Variants in PRDM11 observed in about 807,000 individuals in gnomAD.
PRDM11 encodes the protein PR domain-containing protein 11.
In PRDM11, 20 loss-of-function variants were observed where a neutral mutation model predicts 97.8. That is an observed-to-expected ratio of 0.20 (90% CI 0.14 to 0.30). PRDM11 has a LOEUF of 0.30. Among genes scored for constraint, PRDM11 ranks in the 10% least tolerant of loss-of-function variants. The probability of loss-of-function intolerance (pLI) is 1.00; values close to 1 mark genes in which losing one functional copy is unlikely to be tolerated. For synonymous variants in PRDM11, 599 were observed against 637.7 expected (o/e 0.94, Z 0.91); for missense variants, 1,139 against 1,555.2 (o/e 0.73, Z 4.50).
At chr11:45,133,285 G>A (rs1262613401) in intron 1 of PRDM11, among the ~76,000 whole-genome samples, 1 of 152,068 alleles carries the variant, frequency 6.6e-6, no homozygotes, top group Non-Finnish European at 1.5e-5. Flanking sequence ...TTCTTGTTAA[G>A]GACATAAGTG....
At chr11:45,195,295 A>G (rs2135772222) in intron 4 of PRDM11, among the ~76,000 whole-genome samples, 1 of 152,252 alleles carries the variant, frequency 6.6e-6, no homozygotes, top group South Asian at 2.1e-4. Flanking sequence ...GGTATGTGCA[A>G]CCATCATCAC....
intron 1 of PRDM11, among the ~76,000 whole-genome samples, chr11:45,105,511 C>T (rs1267476421): frequency 6.6e-6 from 1 of 152,224 alleles, no homozygotes; most frequent in Non-Finnish European, 1.5e-5. Flanking sequence ...GGTGCTCAGG[C>T]CTTCTGAAAG....
intron 5 of PRDM11, chr11:45,213,116 C>T (rs1200736030): frequency 2.2e-5 from 10 of 456,180 alleles, no homozygotes; most frequent in African/African-American, 6.0e-5. Flanking sequence ...GCCAGTCTTT[C>T]GTGTCCAGGA....
intron 1 of PRDM11, among the ~76,000 whole-genome samples, chr11:45,115,955 A>G (rs1004737049): frequency 1.3e-5 from 2 of 151,942 alleles, no homozygotes. Flanking sequence ...AAAAAGAAAA[A>G]AAAAAGCTAG....
chr11:45,213,120 T>G (rs34007448), intron 5 of PRDM11: 53,005 of 456,324 alleles, frequency 0.12, 4,469 homozygotes, highest in Admixed American at 0.31. Context: ...GTCTTTCGTG[T>G]CCAGGAACAG....
chr11:45,199,861 T>G (rs1853265207), intron 4 of PRDM11, among the ~76,000 whole-genome samples: 2 of 152,186 alleles, frequency 1.3e-5, no homozygotes. Context: ...CATCTCTCTC[T>G]TCTCTAAGAT....
chr11:45,212,716 C>T (rs1310018409), intron 5 of PRDM11: 1 of 456,518 alleles, frequency 2.2e-6, no homozygotes. Flanking sequence ...ACTGGCAGCT[C>T]CTCCACGTCC....
intron 1 of PRDM11, among the ~76,000 whole-genome samples, chr11:45,120,916 T>A (rs1219755020): frequency 3.3e-5 from 5 of 152,176 alleles, no homozygotes; most frequent in Non-Finnish European, 5.9e-5. Context: ...TAAACTGTTG[T>A]AAGGTTCTTG....
chr11:45,154,899 A>T (rs1175557150), intron 1 of PRDM11, among the ~76,000 whole-genome samples: 1 of 152,208 alleles, frequency 6.6e-6, no homozygotes, highest in Non-Finnish European at 1.5e-5. Context: ...TCTGCACCCC[A>T]GTCCTTCTGG....
At chr11:45,209,197 C>T (rs555675640) in intron 5 of PRDM11, 22 of 443,688 alleles carry the variant, frequency 5.0e-5, no homozygotes, top group Non-Finnish European at 8.7e-5. Flanking sequence ...GTGCTCACGG[C>T]CCACGAGAGG....
intron 1 of PRDM11, among the ~76,000 whole-genome samples, chr11:45,163,602 C>A (rs530503445): frequency 5.9e-5 from 9 of 152,352 alleles, no homozygotes; most frequent in African/African-American, 1.9e-4. Context: ...GCTCTGACAG[C>A]AGGATCTCTG....
At chr11:45,201,650 C>T (rs1246898365) in intron 4 of PRDM11, among the ~76,000 whole-genome samples, 1 of 152,118 alleles carries the variant, frequency 6.6e-6, no homozygotes, top group Non-Finnish European at 1.5e-5. Context: ...TGCACTACCA[C>T]ACTTGGCTAA....
At chr11:45,127,302 T>A (rs1316447806) in intron 1 of PRDM11, among the ~76,000 whole-genome samples, 1 of 152,156 alleles carries the variant, frequency 6.6e-6, no homozygotes, top group African/African-American at 2.4e-5. Context: ...TAGCTCGGAG[T>A]AGTTTGATCA....
At chr11:45,206,597 C>A (rs1437706856) in intron 5 of PRDM11, among the ~76,000 whole-genome samples, 1 of 152,236 alleles carries the variant, frequency 6.6e-6, no homozygotes, top group Admixed American at 6.5e-5. Context: ...TCTGATCTTT[C>A]CCCCTGGGGA....
chr11:45,111,329 C>T lies in PRDM11; in HGVS notation c.96+15428C>T, dbSNP rs556014669. ...TGCCATCTCTGGACTTACGGGGTGC[C>T]CTCTATGCCAAACGGCATTCCACCC... On this transcript the variant is annotated intron_variant, in intron 1 of 6. Transcript: ENST00000530656. Among the ~76,000 whole-genome samples, 32 of 56,794 alleles carry T rather than the reference C, an allele frequency of 5.6e-4. 1 individual carries two copies. The highest frequency in any genetic ancestry group is 9.6e-4 in the African/African-American group (29 of 30,146). The allele number at this position is 56,794 out of a possible 152,430, so 37.3% of individuals were successfully genotyped here. A position where few individuals can be genotyped will look rare whatever the true frequency, so the allele number is the denominator to read the frequency against.
chr11:45,228,061 G>A lies in PRDM11; in HGVS notation c.3436G>A (p.Ala1146Thr), dbSNP rs554546736. The change falls in exon 8 of 8, where the codon GCG becomes ACG. Residue 1146 changes from alanine (A) to threonine (T), a missense_variant. By Grantham distance (58) the Ala-to-Thr change is moderately conservative. Around this residue, in one of 2 missense-constraint regions of PRDM11, gnomAD observed 710 missense variants for 1,044.9 expected, o/e 0.68. Transcript: ENST00000683152. ...WFEEKSGNSYALSAEVLSRMS... is the reference protein window; with the variant it reads ...WFEEKSGNSYTLSAEVLSRMS... ...TGAGGAGAAGTCTGGGAACAGTTAC[G>A]CGCTGTCTGCAGAAGTCCTCAGTAG... The A allele has an allele frequency of 1.1e-4, 174 of 1,533,766 alleles. No homozygotes were observed. The South Asian group carries it at 1.8e-3, about 16-fold the overall frequency.
chr11:45,101,611 C>G (rs551714632), intron 1 of PRDM11, among the ~76,000 whole-genome samples: 2 of 142,964 alleles, frequency 1.4e-5, no homozygotes, highest in East Asian at 2.0e-4. Context: ...GCGTTCAGGG[C>G]TCAGAGCTAG....
At position 45,226,092 on chromosome 11, in the gene PRDM11, G is replaced by A. The variant is rs750114813; in HGVS notation, c.1467G>A (p.Ala489=). The change falls in exon 8 of 8, where the codon GCG becomes GCA. Residue 489 remains alanine, a synonymous_variant. Transcript: ENST00000683152. ...CTGTCTCCAATGATATGATGACAGCGACGGATGAGCCCTCCAAGATGTCAT... is the reference window on the plus strand; with the variant it reads ...CTGTCTCCAATGATATGATGACAGCAACGGATGAGCCCTCCAAGATGTCAT... ...DESVSNDMMT[A]TDEPSKMSSA... The A allele has an allele frequency of 8.9e-5, 136 of 1,531,908 alleles. 1 individual carries two copies. The highest frequency in any genetic ancestry group is 4.6e-4 in the Middle Eastern group (2 of 4,376). The allele number at this position is 1,531,908 out of a possible 1,614,324, so 94.9% of individuals were successfully genotyped here. A position where few individuals can be genotyped will look rare whatever the true frequency, so the allele number is the denominator to read the frequency against.
chr11:45,123,279 C>T (rs1342803312), intron 1 of PRDM11, among the ~76,000 whole-genome samples: 3 of 152,150 alleles, frequency 2.0e-5, no homozygotes, highest in Non-Finnish European at 4.4e-5. Context: ...AAAATTTTCT[C>T]CCATTTTGTA....
Sources: allele counts gnomAD v4.1 joint callset (sites outside exome capture counted in the v4.1 genomes callset), GRCh38; gene constraint gnomAD v4.1.1; regional missense constraint gnomAD v4.1.1; transcripts MANE v1.5; gene names NCBI Gene and HGNC (gene_info 2026-07-23, HGNC 2026-07-21).